CPAMD8: variants seen among roughly 807,000 people sequenced by gnomAD.
CPAMD8 encodes the protein C3 and PZP like alpha-2-macroglobulin domain containing 8.
A neutral mutation model predicts 224.7 loss-of-function variants in CPAMD8; 146 were observed. That is an observed-to-expected ratio of 0.65 (90% confidence interval 0.57 to 0.75). The LOEUF (loss-of-function observed/expected upper bound fraction) is 0.75. CPAMD8 is among the 30% of genes least tolerant of loss of function. The pLI, the probability that CPAMD8 is intolerant of heterozygous loss-of-function variation, is 0.00. For missense variants in CPAMD8, 2,301 were observed against 2,537.5 expected, an observed-to-expected ratio of 0.91 and a Z score of 2.00; for synonymous variants, 966 against 1,044.6, an observed-to-expected ratio of 0.92 and a Z score of 1.45.
chr19:17,007,270 G>C (rs1187370858), intron 7 of CPAMD8, among the ~76,000 whole-genome samples: 1 of 151,992 alleles, frequency 6.6e-6, no homozygotes, highest in Non-Finnish European at 1.5e-5. Flanking sequence ...GGAGGCGGAG[G>C]TGGCAGTGAG....
At chr19:16,931,246 G>T (rs892313152) in intron 23 of CPAMD8, among the ~76,000 whole-genome samples, 1 of 152,148 alleles carries the variant, frequency 6.6e-6, no homozygotes, top group African/African-American at 2.4e-5. Flanking sequence ...AGATAGGTCG[G>T]CCCAGCCCAG....
At chr19:17,004,429 G>T in intron 7 of CPAMD8, 43 bp from the exon 8 acceptor site, 1 of 1,302,962 alleles carries the variant, frequency 7.7e-7, no homozygotes, top group Non-Finnish European at 1.1e-6. Context: ...GAGAGCCACA[G>T]ACACGGTGAG....
At chr19:16,982,160 G>A (rs960830053) in intron 13 of CPAMD8, among the ~76,000 whole-genome samples, 2 of 152,176 alleles carry the variant, frequency 1.3e-5, no homozygotes, top group East Asian at 1.9e-4. Context: ...TTGAGAGGCC[G>A]AGGCGAGAGG....
intron 14 of CPAMD8, among the ~76,000 whole-genome samples, chr19:16,979,957 A>G (rs894400766): frequency 6.6e-6 from 1 of 152,092 alleles, no homozygotes; most frequent in Admixed American, 6.6e-5. Flanking sequence ...AGTTGGTACT[A>G]CTGGCATCTG....
At chr19:16,971,493 G>A (rs1055722358) in intron 17 of CPAMD8, among the ~76,000 whole-genome samples, 1 of 152,130 alleles carries the variant, frequency 6.6e-6, no homozygotes, top group Non-Finnish European at 1.5e-5. Flanking sequence ...AACACAAAAG[G>A]CCATATGTTG....
At chr19:16,957,995 T>G in intron 18 of CPAMD8, 80 bp from the exon 19 acceptor site, 2 of 1,298,552 alleles carry the variant, frequency 1.5e-6, no homozygotes, top group South Asian at 2.4e-5. Flanking sequence ...TTGCATTCTA[T>G]TTGATCAGAT....
chr19:16,969,757 C>T (rs1033560741), intron 18 of CPAMD8, among the ~76,000 whole-genome samples: 1 of 151,242 alleles, frequency 6.6e-6, no homozygotes, highest in African/African-American at 2.4e-5. Context: ...GCATGTAATC[C>T]CAGCTACTCA....
At position 16,902,829 on chromosome 19, in the gene CPAMD8, G is replaced by A. The variant is rs771599498; in HGVS notation, c.4505C>T (p.Ala1502Val). Residue 1502 changes from alanine to valine, a missense_variant, in exon 35 of 42, where the codon GCC (alanine) becomes GTC (valine). This residue lies in a region of CPAMD8 where 1,709 missense variants were observed against 1,753.2 expected (regional missense o/e 0.97). Transcript: ENST00000443236. The part of the protein sequence containing the change: ...DVTYNVPDPV[A>V]KPAFQLLVSL... Reference sequence around the variant, plus strand: ...TACGAGCAGCTGGAAAGCTGGCTTGGCCACCGGGTCAGGCACATTGTAGGT... The same window carrying A: ...TACGAGCAGCTGGAAAGCTGGCTTGACCACCGGGTCAGGCACATTGTAGGT... 1 of 1,559,888 alleles carries A rather than the reference G, an allele frequency of 6.4e-7. No individual in the cohort carries two copies. Among genetic ancestry groups the A allele is most frequent in the Non-Finnish European group, 8.7e-7 (1 of 1,149,634 alleles).
chr19:16,925,615 G>T (rs1174232763), intron 25 of CPAMD8, among the ~76,000 whole-genome samples: 1 of 152,094 alleles, frequency 6.6e-6, no homozygotes, highest in Non-Finnish European at 1.5e-5. Context: ...TTTTCATTCT[G>T]TTCAATGCTT....
chr19:16,955,163 C>T (rs1026297301), intron 19 of CPAMD8, among the ~76,000 whole-genome samples: 9 of 151,540 alleles, frequency 5.9e-5, no homozygotes, highest in Non-Finnish European at 7.4e-5. Context: ...GGCATGGTGG[C>T]GCATGCCTAT....
Position 17,026,765 on chromosome 19 carries a change from G to T in CPAMD8, c.-123C>A. 8.5e-7 allele frequency: 1 copy of T among 1,176,550 alleles called. No homozygotes were observed. Among genetic ancestry groups the T allele is most frequent in the South Asian group, 4.0e-5 (1 of 24,784 alleles). 72.9% of individuals were successfully genotyped at this position (1,176,550 alleles called of 1,614,324 possible). ...GGGGCCCTTTGTTCGCAGCCCCCGC[G>T]CAGTGCGCCCGGCGCCATGCGCCCC... On this transcript the variant is annotated 5_prime_UTR_variant, in exon 1 of 42. Transcript: ENST00000443236.
chr19:16,951,453 G>A (rs564334453), intron 20 of CPAMD8, among the ~76,000 whole-genome samples: 1 of 152,244 alleles, frequency 6.6e-6, no homozygotes, highest in South Asian at 2.1e-4. Context: ...AGTTTTATTG[G>A]AACACAGCCA....
intron 3 of CPAMD8, among the ~76,000 whole-genome samples, chr19:17,012,908 G>A (rs373180751): frequency 6.6e-5 from 10 of 152,336 alleles, no homozygotes; most frequent in Admixed American, 6.5e-5. Context: ...CAGGCTGAGC[G>A]CAATGGCTCA....
In CPAMD8 at chr19:16,897,792, G is replaced by T. The variant is rs756646421; in HGVS notation, c.4964C>A (p.Ala1655Asp). Residue 1655 changes from alanine (A) to aspartate (D), a missense_variant, in exon 39 of 42, where the codon GCC becomes GAC. Coordinates refer to ENST00000443236, the MANE Select transcript of CPAMD8 (RefSeq NM_015692.5). Reference protein sequence around the residue: ...VYDYYEPAFEATRFYNVSTHS... With the variant: ...VYDYYEPAFEDTRFYNVSTHS... The stretch of plus-strand genomic sequence containing the variant: ...GGTGCTGACGTTGTAGAAGCGAGTG[G>T]CCTCGAAGGCTACGGGACGAGGGTG... 2 of 1,583,032 alleles carry T rather than the reference G, an allele frequency of 1.3e-6. No homozygotes were observed. Among genetic ancestry groups the T allele is most frequent in the Non-Finnish European group, 8.6e-7 (1 of 1,165,040 alleles).
chr19:16,914,366 TTCCATTTGCTCC>T (rs2052850348), intron 29 of CPAMD8, 46 bp downstream of exon 29: 1 of 1,434,384 alleles, frequency 7.0e-7, no homozygotes. Context: ...GGAGGGAACC[TTCCATTTGCTCC>T]TCCAGTGCCC....
intron 32 of CPAMD8, 42 bp from the exon 33 acceptor site, chr19:16,903,899 G>T: frequency 6.3e-7 from 1 of 1,597,424 alleles, no homozygotes. Context: ...CTGAGACTGA[G>T]TTGGCCAGTG....
At chr19:17,014,367 AT>A (rs35508798) in intron 3 of CPAMD8, among the ~76,000 whole-genome samples, 1 of 151,212 alleles carries the variant, frequency 6.6e-6, no homozygotes, top group Non-Finnish European at 1.5e-5. Flanking sequence ...CCGTCCTCTT[AT>A]TTTTTTTTAA....
Position 17,026,769 on chromosome 19 carries a change from T to C in CPAMD8, c.-127A>G. On this transcript the variant is annotated 5_prime_UTR_variant, in exon 1 of 42. Transcript: ENST00000443236. The stretch of plus-strand genomic sequence containing the variant: ...CCCTTTGTTCGCAGCCCCCGCGCAG[T>C]GCGCCCGGCGCCATGCGCCCCGCTC... 4.3e-6 allele frequency: 5 copies of C among 1,165,034 alleles called. No homozygotes were observed. Among genetic ancestry groups the C allele is most frequent in the Non-Finnish European group, 5.3e-6 (5 of 945,966 alleles). The allele number at this position is 1,165,034 out of a possible 1,614,324, so 72.2% of individuals were successfully genotyped here. A position where few individuals can be genotyped will look rare whatever the true frequency, so the allele number is the denominator to read the frequency against.
chr19:16,902,789 A>G lies in CPAMD8; in HGVS notation c.4545T>C (p.Pro1515=). The change falls in exon 35 of 42, where the codon CCT becomes CCC. Residue 1515 remains proline, a synonymous_variant. Coordinates refer to ENST00000443236, the MANE Select transcript of CPAMD8 (RefSeq NM_015692.5). ...TGGGGGGCGGGCGTCCCTGGGCCTCAGGCTCCTGGAGGCTTACGAGCAGCT... is the reference window on the plus strand; with the variant it reads ...TGGGGGGCGGGCGTCCCTGGGCCTCGGGCTCCTGGAGGCTTACGAGCAGCT... The part of the protein sequence containing the change: ...AFQLLVSLQE[P]EAQGRPPPMP... 6.3e-7 allele frequency: 1 copy of G among 1,582,254 alleles called. No homozygotes were observed. The highest frequency in any genetic ancestry group is 8.6e-7 in the Non-Finnish European group (1 of 1,160,352).
Sources: gnomAD v4.1 joint callset for allele counts (sites outside exome capture counted in the v4.1 genomes callset) on GRCh38, gnomAD v4.1.1 for gene constraint, gnomAD v4.1.1 regional missense constraint, MANE v1.5 for transcripts, NCBI Gene and HGNC (gene_info 2026-07-23, HGNC 2026-07-21) for gene names.